TMEM132D: variants seen among roughly 807,000 people sequenced by gnomAD.
The protein encoded by TMEM132D is transmembrane protein 132D, also known as mature OL transmembrane protein.
In TMEM132D, 21 loss-of-function variants were observed where a neutral mutation model predicts 62.3. The observed-to-expected ratio is 0.34, with a 90% confidence interval of 0.24 to 0.49. The LOEUF is 0.49. Among genes scored for constraint, TMEM132D ranks in the 20% least tolerant of loss-of-function variants. The pLI is 0.99. For synonymous variants in TMEM132D, 621 were observed against 575.6 expected (o/e 1.08, Z -1.13); for missense variants, 1,346 against 1,402.8 (o/e 0.96, Z 0.65).
At position 129,443,004 on chromosome 12, in the gene TMEM132D, C is replaced by T. The variant is rs780868194; in HGVS notation, c.1115+88055G>A. On this transcript the variant is annotated intron_variant, in intron 3 of 8. Coordinates refer to ENST00000422113, the MANE Select transcript of TMEM132D (RefSeq NM_133448.3). ...CCCAGGTGAACACATCCTCCAGTGA[C>T]TCCTCAGGGTGGGGTGGAGAGGCCA... Among the ~76,000 whole-genome samples, 193 of 152,242 alleles carry T rather than the reference C, an allele frequency of 1.3e-3. 1 individual carries two copies. Among genetic ancestry groups the T allele is most frequent in the Non-Finnish European group, 2.2e-3 (147 of 68,010 alleles).
At chr12:129,617,326 C>T (rs908093258) in intron 2 of TMEM132D, among the ~76,000 whole-genome samples, 1 of 152,160 alleles carries the variant, frequency 6.6e-6, no homozygotes, top group African/African-American at 2.4e-5. Context: ...CAGACATTCC[C>T]AGGAAGGTCT....
At chr12:129,521,380 CCT>C (rs1371074629) in intron 3 of TMEM132D, 1 of 152,096 alleles carries the variant, frequency 6.6e-6, no homozygotes, top group East Asian at 1.9e-4. Context: ...TAACGCTACC[CCT>C]GATTAGAATG....
At chr12:129,328,913 G>T (rs908420673) in intron 4 of TMEM132D, among the ~76,000 whole-genome samples, 1 of 151,282 alleles carries the variant, frequency 6.6e-6, no homozygotes, top group African/African-American at 2.4e-5. Flanking sequence ...TCTGTGAAAT[G>T]GGGATAATAG....
intron 3 of TMEM132D, among the ~76,000 whole-genome samples, chr12:129,437,209 C>A (rs1453357947): frequency 6.6e-6 from 1 of 152,052 alleles, no homozygotes; most frequent in Non-Finnish European, 1.5e-5. Flanking sequence ...GAGGGAGATG[C>A]CCTCTTTCTG....
chr12:129,614,100 A>C (rs111490959), intron 2 of TMEM132D, among the ~76,000 whole-genome samples: 8 of 137,580 alleles, frequency 5.8e-5, no homozygotes, highest in Admixed American at 1.4e-4. Flanking sequence ...GACTGTCTCC[A>C]TAACCTAGGC....
chr12:129,258,596 C>T (rs1018293048), intron 4 of TMEM132D, among the ~76,000 whole-genome samples: 1 of 152,142 alleles, frequency 6.6e-6, no homozygotes, highest in African/African-American at 2.4e-5. Flanking sequence ...CATGTGTTCA[C>T]TTTTTACCTT....
At chr12:129,725,268 G>A (rs1370265571) in intron 1 of TMEM132D, among the ~76,000 whole-genome samples, 1 of 152,190 alleles carries the variant, frequency 6.6e-6, no homozygotes, top group East Asian at 1.9e-4. Context: ...GTAAATAATG[G>A]TACAACGAGT....
At chr12:129,557,505 A>T (rs754933027) in intron 2 of TMEM132D, among the ~76,000 whole-genome samples, 3 of 152,208 alleles carry the variant, frequency 2.0e-5, no homozygotes, top group Non-Finnish European at 4.4e-5. Context: ...ACTGGAGTCC[A>T]GGAGTTCAAG....
intron 5 of TMEM132D, among the ~76,000 whole-genome samples, chr12:129,150,233 C>A (rs1410871326): frequency 6.6e-6 from 1 of 152,170 alleles, no homozygotes; most frequent in Non-Finnish European, 1.5e-5. Context: ...AGGGGAGCCC[C>A]ATCCAGAGTG....
At chr12:129,773,556 G>T (rs1648059823) in intron 1 of TMEM132D, among the ~76,000 whole-genome samples, 1 of 152,190 alleles carries the variant, frequency 6.6e-6, no homozygotes, top group Non-Finnish European at 1.5e-5. Flanking sequence ...CCCAGAGGGA[G>T]AGACAAGCTT....
At chr12:129,864,292 A>C (rs1430731431) in intron 1 of TMEM132D, among the ~76,000 whole-genome samples, 1 of 152,224 alleles carries the variant, frequency 6.6e-6, no homozygotes, top group South Asian at 2.1e-4. Flanking sequence ...GGAATCTCTC[A>C]GCAGAGGCCC....
chr12:129,699,692 A>C, intron 2 of TMEM132D, 118 bp downstream of exon 2: 3 of 1,308,300 alleles, frequency 2.3e-6, no homozygotes, highest in Non-Finnish European at 3.2e-6. Context: ...AGTTTGTAAG[A>C]ACGGGAAGGC....
At chr12:129,221,471 T>C (rs1478107634) in intron 4 of TMEM132D, among the ~76,000 whole-genome samples, 1 of 152,208 alleles carries the variant, frequency 6.6e-6, no homozygotes, top group Non-Finnish European at 1.5e-5. Context: ...ATCATTAAAT[T>C]CTGGGCTGTC....
At chr12:129,738,003 T>C (rs1869482845) in intron 1 of TMEM132D, among the ~76,000 whole-genome samples, 1 of 152,240 alleles carries the variant, frequency 6.6e-6, no homozygotes. Flanking sequence ...ATAAGGATCA[T>C]TCATCATGCA....
chr12:129,618,575 A>C (rs1394075782), intron 2 of TMEM132D, among the ~76,000 whole-genome samples: 1 of 152,224 alleles, frequency 6.6e-6, no homozygotes, highest in African/African-American at 2.4e-5. Flanking sequence ...AACCTTCAAA[A>C]ACCAGAAGAG....
At chr12:129,510,900 G>A (rs1401683814) in intron 3 of TMEM132D, among the ~76,000 whole-genome samples, 1 of 152,072 alleles carries the variant, frequency 6.6e-6, no homozygotes, top group Non-Finnish European at 1.5e-5. Flanking sequence ...CTGTTCCATT[G>A]GTCTGTGTGT....
At chr12:129,185,336 C>T (rs191057422) in intron 5 of TMEM132D, among the ~76,000 whole-genome samples, 1 of 152,110 alleles carries the variant, frequency 6.6e-6, no homozygotes, top group East Asian at 1.9e-4. Context: ...AAAAAGAATC[C>T]TATTTTCAAT....
intron 5 of TMEM132D, among the ~76,000 whole-genome samples, chr12:129,095,822 C>T (rs1440391378): frequency 1.3e-5 from 2 of 152,242 alleles, no homozygotes; most frequent in Non-Finnish European, 2.9e-5. Flanking sequence ...GCATCTGCAA[C>T]TGTGAGAAAA....
intron 2 of TMEM132D, among the ~76,000 whole-genome samples, chr12:129,566,222 C>T (rs1877362104): frequency 6.6e-6 from 1 of 152,160 alleles, no homozygotes; most frequent in South Asian, 2.1e-4. Flanking sequence ...AACAAATAAA[C>T]TGGCAATATT....
Sources: allele counts gnomAD v4.1 joint callset (sites outside exome capture counted in the v4.1 genomes callset), GRCh38; gene constraint gnomAD v4.1.1; transcripts MANE v1.5; gene names NCBI Gene and HGNC (gene_info 2026-07-23, HGNC 2026-07-21).